The following CHN2 variants were observed in gnomAD, a reference collection of about 807,000 sequenced individuals.
The protein encoded by CHN2 is chimerin 2.
A neutral mutation model predicts 56.3 loss-of-function variants in CHN2; 35 were observed. That is an observed-to-expected ratio of 0.62 (90% CI 0.47 to 0.82). CHN2 has a LOEUF of 0.82. Ranked by LOEUF, CHN2 falls within the 40% of genes least tolerant of loss-of-function variation. The pLI is 0.00. For synonymous variants in CHN2, 210 were observed against 212.8 expected (o/e 0.99, Z 0.12); for missense variants, 491 against 580.5 (o/e 0.85, Z 1.58).
chr7:29,461,880 G>A (rs932699647), intron 6 of CHN2, among the ~76,000 whole-genome samples: 26 of 151,262 alleles, frequency 1.7e-4, no homozygotes, highest in Middle Eastern at 3.5e-3. Context: ...GGAAGGAAGA[G>A]AGAGGATGCA....
chr7:29,442,717 G>A (rs968489912), intron 6 of CHN2, among the ~76,000 whole-genome samples: 9 of 152,000 alleles, frequency 5.9e-5, no homozygotes, highest in Non-Finnish European at 1.5e-5. Context: ...GTGTTCTCAT[G>A]TCAATTTATA....
intron 6 of CHN2, among the ~76,000 whole-genome samples, chr7:29,437,924 G>A (rs1389206568): frequency 2.6e-5 from 4 of 152,184 alleles, no homozygotes; most frequent in Admixed American, 2.0e-4. Flanking sequence ...AATGGCTGAA[G>A]AGCTTTAAGA....
intron 1 of CHN2, among the ~76,000 whole-genome samples, chr7:29,219,060 G>C (rs73684625): frequency 0.018 from 2,731 of 152,272 alleles, 76 homozygotes; most frequent in African/African-American, 0.061. Context: ...GGAGACTGAT[G>C]CAGTGCGTAT....
chr7:29,221,681 A>G (rs1156834554), intron 1 of CHN2, among the ~76,000 whole-genome samples: 2 of 152,202 alleles, frequency 1.3e-5, no homozygotes, highest in African/African-American at 4.8e-5. Context: ...CTCATTGTTC[A>G]GCTCCTATTT....
intron 1 of CHN2, among the ~76,000 whole-genome samples, chr7:29,237,047 T>A (rs1221689986): frequency 6.6e-6 from 1 of 152,230 alleles, no homozygotes; most frequent in Non-Finnish European, 1.5e-5. Context: ...TTATTCTGCC[T>A]ACCCCAAGGT....
intron 1 of CHN2, among the ~76,000 whole-genome samples, chr7:29,338,560 T>G (rs1004504506): frequency 2.0e-5 from 3 of 152,146 alleles, no homozygotes; most frequent in Non-Finnish European, 2.9e-5. Context: ...AATACCTGTT[T>G]TATAAGCTGG....
intron 7 of CHN2, among the ~76,000 whole-genome samples, chr7:29,486,446 A>G (rs906455585): frequency 6.6e-6 from 1 of 152,116 alleles, no homozygotes; most frequent in African/African-American, 2.4e-5. Context: ...TGGAGGCCCT[A>G]TCAGGATGTG....
intron 2 of CHN2, among the ~76,000 whole-genome samples, chr7:29,152,154 C>G: frequency 6.6e-6 from 1 of 152,156 alleles, no homozygotes; most frequent in South Asian, 2.1e-4. Context: ...AGAACTAGGT[C>G]ACATCACCAA....
intron 6 of CHN2, among the ~76,000 whole-genome samples, chr7:29,422,397 G>T (rs1042515290): frequency 1.6e-4 from 24 of 152,178 alleles, no homozygotes; most frequent in African/African-American, 5.8e-4. Context: ...TAGTTCCAGA[G>T]TCATGGTTAA....
At chr7:29,289,969 G>C (rs1792463865) in intron 1 of CHN2, among the ~76,000 whole-genome samples, 1 of 152,194 alleles carries the variant, frequency 6.6e-6, no homozygotes, top group Non-Finnish European at 1.5e-5. Flanking sequence ...CTTACAGATG[G>C]AGCATGCACT....
intron 7 of CHN2, among the ~76,000 whole-genome samples, chr7:29,490,731 T>G (rs138198414): frequency 2.0e-5 from 3 of 152,352 alleles, no homozygotes; most frequent in African/African-American, 7.2e-5. Context: ...TGGTACCAAA[T>G]GTACTGTACC....
At chr7:29,481,260 G>A (rs1415978607) in intron 7 of CHN2, among the ~76,000 whole-genome samples, 1 of 152,214 alleles carries the variant, frequency 6.6e-6, no homozygotes. Context: ...ATAGGCAGGA[G>A]AAGCAAAATG....
intron 1 of CHN2, among the ~76,000 whole-genome samples, chr7:29,226,408 AT>A (rs1004969644): frequency 8.5e-5 from 13 of 152,096 alleles, no homozygotes; most frequent in Admixed American, 7.2e-4. Flanking sequence ...AGCACATCTA[AT>A]TTTTTTTAAA....
Position 29,162,468 on chromosome 7 carries a change from T to A in CHN2, c.274+15508T>A, listed in dbSNP as rs112920306. On this transcript the variant is annotated intron_variant, in intron 2 of 6. Transcript: ENST00000439384. ...CCTGAGGTCGGGAGTTCAAGACCAG[T>A]CTGACCAACATGGAGAAGCCCCATC... Among the ~76,000 whole-genome samples the A allele has an allele frequency of 6.9e-3, 1,047 of 152,000 alleles. 19 individuals carry two copies. Among genetic ancestry groups the A allele is most frequent in the African/African-American group, 0.024 (996 of 41,496 alleles).
At chr7:29,319,055 GC>G (rs1257949001) in intron 1 of CHN2, among the ~76,000 whole-genome samples, 4 of 152,184 alleles carry the variant, frequency 2.6e-5, no homozygotes, top group African/African-American at 9.7e-5. Context: ...CAGACACAGG[GC>G]AGAGGCTAAG....
At chr7:29,403,008 ACT>A (rs1003093290) in intron 6 of CHN2, among the ~76,000 whole-genome samples, 17 of 151,584 alleles carry the variant, frequency 1.1e-4, no homozygotes, top group African/African-American at 4.1e-4. Flanking sequence ...AGACACCCCA[ACT>A]CTCTGAGCAG....
chr7:29,459,362 C>T (rs1784984119), intron 6 of CHN2, among the ~76,000 whole-genome samples: 1 of 152,178 alleles, frequency 6.6e-6, no homozygotes, highest in South Asian at 2.1e-4. Context: ...TTCCCCATGT[C>T]ATTTGGAATT....
intron 1 of CHN2, among the ~76,000 whole-genome samples, chr7:29,246,266 A>C (rs758079738): frequency 2.2e-4 from 33 of 152,152 alleles, no homozygotes; most frequent in Non-Finnish European, 3.7e-4. Context: ...AGGTTCCCAG[A>C]GATCTCTTGT....
rs575558163 is a variant in CHN2, at chr7:29,397,084, T to A, written c.177-1289T>A. On this transcript the variant is annotated intron_variant, in intron 4 of 12. Coordinates refer to ENST00000222792, the MANE Select transcript of CHN2 (RefSeq NM_004067.4). ...AGCTGTTGAGATTTAAAATCAAAATTTGGGAAGCCAGAAAGCCTTTTTCTT... is the reference window on the plus strand; with the variant it reads ...AGCTGTTGAGATTTAAAATCAAAATATGGGAAGCCAGAAAGCCTTTTTCTT... 2.0e-5 allele frequency: 3 copies of A among 152,286 alleles called. No individual in the cohort carries two copies. The East Asian group carries it at 5.8e-4, about 30-fold the overall frequency. 9.4% of individuals were successfully genotyped at this position (152,286 alleles called of 1,614,324 possible).
Sources: allele counts gnomAD v4.1 joint callset (sites outside exome capture counted in the v4.1 genomes callset), GRCh38; gene constraint gnomAD v4.1.1; transcripts MANE v1.5; gene names NCBI Gene and HGNC (gene_info 2026-07-23, HGNC 2026-07-21).